The following BOP1 variants were observed in gnomAD, a reference collection of about 807,000 sequenced individuals.
BOP1 encodes the protein ribosome biogenesis protein BOP1.
BOP1 carries 54 observed loss-of-function variants against 82.9 expected under a neutral mutation model. That is an observed-to-expected ratio of 0.65 (90% CI 0.52 to 0.82). The LOEUF (loss-of-function observed/expected upper bound fraction) is 0.82, where lower values mean the gene tolerates loss of function less well. Ranked by LOEUF, BOP1 falls within the 40% of genes least tolerant of loss-of-function variation. The pLI is 0.00. For synonymous variants in BOP1, 566 were observed against 451.1 expected (o/e 1.25, Z -3.23); for missense variants, 1,170 against 1,072.0 (o/e 1.09, Z -1.28).
chr8:144,271,526 G>T (rs1554837793), intron 3 of BOP1, among the ~76,000 whole-genome samples: 1 of 152,122 alleles, frequency 6.6e-6, no homozygotes, highest in African/African-American at 2.4e-5. Context: ...CGCCTGTCTC[G>T]GAGCGCCACA....
chr8:144,266,443 G>T lies in BOP1; in HGVS notation c.391-1372C>A, dbSNP rs1290257977. 5.3e-6 allele frequency: 5 copies of T among 941,548 alleles called. No individual in the cohort carries two copies. In the East Asian group the frequency reaches 4.7e-4, roughly 88 times the overall value. The allele number at this position is 941,548 out of a possible 1,614,324, so 58.3% of individuals were successfully genotyped here. On this transcript the variant is annotated intron_variant, in intron 3 of 15. Coordinates refer to ENST00000569669, the MANE Select transcript of BOP1 (RefSeq NM_015201.5). ...CGCCGCTATAAAGGCGCAGCTCGGG[G>T]CCCCGCTCCGGCCCGGGACGCACAT...
At chr8:144,264,891 G>C in intron 4 of BOP1, 26 bp downstream of exon 4, 8 of 1,607,608 alleles carry the variant, frequency 5.0e-6, no homozygotes, top group Non-Finnish European at 6.8e-6. Flanking sequence ...CACCCCGGCT[G>C]CTGGCCCCAC....
At chr8:144,262,702 CCCGCT>C in intron 13 of BOP1, 30 bp from the exon 14 acceptor site, 3 of 1,610,400 alleles carry the variant, frequency 1.9e-6, no homozygotes, top group Non-Finnish European at 1.7e-6. Flanking sequence ...TGCAGGTGTT[CCCGCT>C]CTCACCTGCA....
rs1159055553 is a variant in BOP1 at position 144,264,530 on chromosome 8, C to T, written c.750G>A (p.Leu250=). Residue 250 remains leucine (L), a synonymous_variant, in exon 6 of 16, where the codon CTG becomes CTA. Coordinates refer to ENST00000569669, the MANE Select transcript of BOP1 (RefSeq NM_015201.5). ...PADKRSFIPS[L]VEKEKVSRMV... ...TGTGCCCCACCTTCTCCTTCTCCAC[C>T]AGGGAGGGGATGAAGCTGCGCTTGT... 16 of 1,610,226 alleles carry T rather than the reference C, an allele frequency of 9.9e-6. No homozygotes were observed. In the African/African-American group the frequency reaches 1.9e-4, roughly 19 times the overall value.
At chr8:144,280,789 C>T (rs1181909722) in intron 2 of BOP1, among the ~76,000 whole-genome samples, 2 of 151,978 alleles carry the variant, frequency 1.3e-5, no homozygotes, top group Admixed American at 1.3e-4. Context: ...GGGGTGGAGA[C>T]TGCAGTGAGC....
Position 144,291,127 on chromosome 8 carries a change from T to C in BOP1, c.99+145A>G. 1 of 481,132 alleles carries C rather than the reference T, an allele frequency of 2.1e-6. No homozygotes were observed. Among genetic ancestry groups the C allele is most frequent in the South Asian group, 6.3e-5 (1 of 15,768 alleles). The allele number at this position is 481,132 out of a possible 1,614,324, so 29.8% of individuals were successfully genotyped here. Reference sequence around the variant, plus strand: ...GTCCGCTCTGCCTGAGACCCCCCGATAGAGGAGCTGCACCCACGCCCAAGA... The same window carrying C: ...GTCCGCTCTGCCTGAGACCCCCCGACAGAGGAGCTGCACCCACGCCCAAGA... On this transcript the variant is annotated intron_variant, in intron 1 of 15. Transcript: ENST00000569669. The surrounding 1 kb of genome is among the most constrained non-coding windows in gnomAD (Gnocchi z 4.1).
intron 3 of BOP1, among the ~76,000 whole-genome samples, chr8:144,273,286 C>T (rs57005697): frequency 5.3e-5 from 8 of 152,200 alleles, no homozygotes; most frequent in African/African-American, 1.7e-4. Context: ...GGGCTCTGGA[C>T]GCAGACAGGC....
chr8:144,266,548 G>C, intron 3 of BOP1: 2 of 997,628 alleles, frequency 2.0e-6, no homozygotes, highest in Non-Finnish European at 2.4e-6. Flanking sequence ...CGCGAGGCCC[G>C]CGGCGGCCGC....
chr8:144,275,105 C>A (rs1298727372), intron 3 of BOP1, among the ~76,000 whole-genome samples: 1 of 151,942 alleles, frequency 6.6e-6, no homozygotes, highest in African/African-American at 2.4e-5. Context: ...GGGGGAAGAA[C>A]CTGGGGGGAG....
chr8:144,262,575 C>A lies in BOP1; in HGVS notation c.1979+13G>T. 6.2e-7 allele frequency: 1 copy of A among 1,613,376 alleles called. No individual in the cohort carries two copies. Among genetic ancestry groups the A allele is most frequent in the Non-Finnish European group, 8.5e-7 (1 of 1,179,794 alleles). On this transcript the variant is annotated intron_variant, in intron 14 of 15. Coordinates refer to ENST00000569669, the MANE Select transcript of BOP1 (RefSeq NM_015201.5). ...GGGCTCTGCTGGCCGCCTCCACCCC[C>A]AGCTTTCCTCACCTCAGCATCCTGT... is the stretch of plus-strand genomic sequence containing the variant.
intron 2 of BOP1, 50 bp from the exon 3 acceptor site, chr8:144,276,354 T>C: frequency 6.3e-7 from 1 of 1,597,962 alleles, no homozygotes; most frequent in South Asian, 1.1e-5. Flanking sequence ...AGGGTACCCT[T>C]TGACCTTGGG....
At chr8:144,276,811 G>A (rs1845574073) in intron 2 of BOP1, among the ~76,000 whole-genome samples, 1 of 152,124 alleles carries the variant, frequency 6.6e-6, no homozygotes, top group African/African-American at 2.4e-5. Flanking sequence ...AAGGGGCGGG[G>A]GACACACATT....
In BOP1 at chr8:144,273,758, C is replaced by T. The variant is rs918913638; in HGVS notation, c.390+2466G>A. Among the ~76,000 whole-genome samples the T allele has an allele frequency of 5.9e-5, 9 of 151,464 alleles. No individual in the cohort carries two copies. The South Asian group carries it at 1.2e-3, about 21-fold the overall frequency. On this transcript the variant is annotated intron_variant, in intron 3 of 15. Transcript: ENST00000569669. ...GTGGGAGAGGGGTGAGGTGGCCATG[C>T]GGGGGCGGGGCAGCCGCAGCTCAGC...
At chr8:144,274,686 T>C (rs1211072036) in intron 3 of BOP1, among the ~76,000 whole-genome samples, 1 of 151,986 alleles carries the variant, frequency 6.6e-6, no homozygotes, top group Non-Finnish European at 1.5e-5. Context: ...AGCCCCCACA[T>C]CCCTGGCCGG....
intron 2 of BOP1, among the ~76,000 whole-genome samples, chr8:144,282,477 C>T (rs993797386): frequency 6.6e-6 from 1 of 152,070 alleles, no homozygotes; most frequent in African/African-American, 2.4e-5. Flanking sequence ...CCACCAAGCT[C>T]GTGCCAGAGC....
intron 3 of BOP1, chr8:144,266,668 G>C: frequency 1.6e-6 from 2 of 1,263,012 alleles, no homozygotes; most frequent in Non-Finnish European, 2.0e-6. Context: ...GTACCCCGAG[G>C]TGAGCCCGCT....
chr8:144,289,206 G>T lies in BOP1; in HGVS notation c.198C>A (p.Ser66=). 6.2e-7 allele frequency: 1 copy of T among 1,614,032 alleles called. No homozygotes were observed. Among genetic ancestry groups the T allele is most frequent in the Non-Finnish European group, 8.5e-7 (1 of 1,179,928 alleles). ...EESVFSGLED[S]GSDSSEDDDE... is the part of the protein sequence containing the mutation. ...CATCATCCTCACTGCTGTCACTGCC[G>T]GAATCTTCCAGGCCTGAGAACACAC... Residue 66 remains serine, a synonymous_variant, in exon 2 of 16, where the codon TCC becomes TCA. Coordinates refer to ENST00000569669, the MANE Select transcript of BOP1 (RefSeq NM_015201.5).
rs1325457838 is a variant in BOP1, at chr8:144,264,629, ATGTGGGCG to A, written c.664-21_664-14del. ...AGTCGACAGCCGGCTGGGGGAGAAGATGTGGGCGTGTGGGCCAGAGTGGCTGAGGCCCT... is the reference window on the plus strand; with the variant it reads ...AGTCGACAGCCGGCTGGGGGAGAAGATGTGGGCCAGAGTGGCTGAGGCCCT... On this transcript the variant is annotated splice_polypyrimidine_tract_variant and intron_variant, in intron 5 of 15. Transcript: ENST00000569669. 3 of 1,584,934 alleles carry A rather than the reference ATGTGGGCG, an allele frequency of 1.9e-6. No individual in the cohort carries two copies. In the African/African-American group the frequency reaches 4.0e-5, roughly 21 times the overall value.
At chr8:144,274,203 G>A (rs1250353057) in intron 3 of BOP1, among the ~76,000 whole-genome samples, 5 of 152,206 alleles carry the variant, frequency 3.3e-5, no homozygotes, top group South Asian at 4.1e-4. Flanking sequence ...CCCCAGCGGC[G>A]CCCTCCCTGC....
Sources: gnomAD v4.1 joint callset for allele counts (sites outside exome capture counted in the v4.1 genomes callset) on GRCh38, gnomAD v4.1.1 for gene constraint, Gnocchi (gnomAD v3.1) non-coding constraint, MANE v1.5 for transcripts, NCBI Gene and HGNC (gene_info 2026-07-23, HGNC 2026-07-21) for gene names.